CYTH3: variants seen among roughly 807,000 people sequenced by gnomAD.
CYTH3 encodes cytohesin-3.
A neutral mutation model predicts 55.1 loss-of-function variants in CYTH3; 23 were observed. The observed-to-expected ratio is 0.42, with a 90% CI of 0.30 to 0.59. The LOEUF (loss-of-function observed/expected upper bound fraction) is 0.59. CYTH3 is among the 20% of genes least tolerant of loss of function. CYTH3 has a pLI of 0.20. For synonymous variants in CYTH3, 249 were observed against 194.9 expected, an observed-to-expected ratio of 1.28 and a Z score of -2.31; for missense variants, 413 against 524.8, an observed-to-expected ratio of 0.79 and a Z score of 2.08.
intron 1 of CYTH3, among the ~76,000 whole-genome samples, chr7:6,210,707 A>C (rs1784302273): frequency 6.6e-6 from 1 of 152,054 alleles, no homozygotes; most frequent in Non-Finnish European, 1.5e-5. Context: ...CATTTCATTA[A>C]CTCTGATGGA....
In CYTH3 at chr7:6,170,225, G is replaced by A. The variant is rs987496195; in HGVS notation, c.823+310C>T. On this transcript the variant is annotated intron_variant, in intron 9 of 12. Transcript: ENST00000350796. This position sits in a 1 kb window ranked among gnomAD's most constrained non-coding sequence, Gnocchi z 7.8. ...CCGAGAGAGGCACACAGGCTCTGTGGAGATAATGCGCTTGCTTCTCGTGCA... is the reference window on the plus strand; with the variant it reads ...CCGAGAGAGGCACACAGGCTCTGTGAAGATAATGCGCTTGCTTCTCGTGCA... The A allele has an allele frequency of 2.6e-6, 1 of 378,344 alleles. No individual in the cohort carries two copies. The highest frequency in any genetic ancestry group is 2.1e-5 in the African/African-American group (1 of 48,486). 23.4% of individuals were successfully genotyped at this position (378,344 alleles called of 1,614,324 possible).
chr7:6,222,207 A>G (rs140521010), intron 1 of CYTH3, among the ~76,000 whole-genome samples: 18 of 152,346 alleles, frequency 1.2e-4, no homozygotes, highest in Non-Finnish European at 2.4e-4. Context: ...ATGAAAAAGC[A>G]GCCAGACTTC....
intron 1 of CYTH3, among the ~76,000 whole-genome samples, chr7:6,240,041 C>T (rs901637205): frequency 2.0e-5 from 3 of 152,136 alleles, no homozygotes; most frequent in African/African-American, 7.2e-5. Flanking sequence ...TGCAGTGGCT[C>T]ACGCCTATAA....
intron 5 of CYTH3, among the ~76,000 whole-genome samples, chr7:6,174,053 T>C (rs1783269961): frequency 6.6e-6 from 1 of 152,018 alleles, no homozygotes; most frequent in South Asian, 2.1e-4. Flanking sequence ...CTGGGTTCCA[T>C]GTTAAAGTTT....
intron 1 of CYTH3, among the ~76,000 whole-genome samples, chr7:6,232,989 C>T (rs1779426036): frequency 6.6e-6 from 1 of 152,180 alleles, no homozygotes. Context: ...AACCACTCTA[C>T]CACTTCTACT....
At chr7:6,251,328 C>CT (rs377700661) in intron 1 of CYTH3, among the ~76,000 whole-genome samples, 10,623 of 141,776 alleles carry the variant, frequency 0.075, 1,166 homozygotes, top group African/African-American at 0.25. Context: ...TCAGACTATT[C>CT]TTTTTTTTTT....
rs1368185914 is a variant in CYTH3, at chr7:6,162,287, G to A, written c.*2657C>T. 6.6e-6 allele frequency: 1 copy of A among 152,264 alleles called. No homozygotes were observed. The highest frequency in any genetic ancestry group is 1.5e-5 in the Non-Finnish European group (1 of 68,056). The allele number at this position is 152,264 out of a possible 1,614,324, so 9.4% of individuals were successfully genotyped here. ...ATGAACCAGGGCGGCCAGCAAGACA[G>A]GCTGGAAGGGCTGTGGCAGTCGCCG... is the stretch of plus-strand genomic sequence containing the variant. On this transcript the variant is annotated 3_prime_UTR_variant, in exon 13 of 13. Coordinates refer to ENST00000350796, the MANE Select transcript of CYTH3 (RefSeq NM_004227.4).
At chr7:6,196,425 G>A (rs761068287) in intron 1 of CYTH3, among the ~76,000 whole-genome samples, 2 of 150,628 alleles carry the variant, frequency 1.3e-5, no homozygotes, top group African/African-American at 4.9e-5. Flanking sequence ...TTACTCTTAC[G>A]CATCTGAGGG....
At chr7:6,225,370 T>C (rs80238236) in intron 1 of CYTH3, among the ~76,000 whole-genome samples, 1 of 151,874 alleles carries the variant, frequency 6.6e-6, no homozygotes, top group Non-Finnish European at 1.5e-5. Context: ...TTTTTTTTTT[T>C]GAGACAGAGT....
At chr7:6,234,466 A>G (rs1779467342) in intron 1 of CYTH3, among the ~76,000 whole-genome samples, 1 of 152,222 alleles carries the variant, frequency 6.6e-6, no homozygotes, top group Admixed American at 6.5e-5. Context: ...AACACGATTT[A>G]CTGATGTCCC....
At chr7:6,218,260 TAAG>T (rs927736015) in intron 1 of CYTH3, among the ~76,000 whole-genome samples, 1 of 152,066 alleles carries the variant, frequency 6.6e-6, no homozygotes, top group Admixed American at 6.5e-5. Flanking sequence ...AATGTCCATA[TAAG>T]AAGAAAGCAC....
chr7:6,190,557 T>C, intron 1 of CYTH3, 26 bp from the exon 2 acceptor site: 2 of 1,487,510 alleles, frequency 1.3e-6, no homozygotes, highest in Non-Finnish European at 1.8e-6. Context: ...AATAATTAAC[T>C]ACTTTGGAGA....
chr7:6,203,352 G>A (rs1323646603), intron 1 of CYTH3, among the ~76,000 whole-genome samples: 1 of 152,068 alleles, frequency 6.6e-6, no homozygotes, highest in Non-Finnish European at 1.5e-5. Flanking sequence ...CCATAGCTGT[G>A]AATCTGACTA....
intron 4 of CYTH3, among the ~76,000 whole-genome samples, chr7:6,186,237 C>G (rs936678292): frequency 8.1e-6 from 1 of 124,216 alleles, no homozygotes; most frequent in African/African-American, 3.3e-5. Flanking sequence ...GAGCAAGACT[C>G]TATCTCAAAA....
chr7:6,256,870 C>T (rs1021852482), intron 1 of CYTH3, among the ~76,000 whole-genome samples: 1 of 152,132 alleles, frequency 6.6e-6, no homozygotes, highest in East Asian at 1.9e-4. Context: ...GTGAAGCTGG[C>T]GGGACAACGT....
At chr7:6,187,418 T>C (rs958795321) in intron 3 of CYTH3, among the ~76,000 whole-genome samples, 1 of 152,218 alleles carries the variant, frequency 6.6e-6, no homozygotes, top group Non-Finnish European at 1.5e-5. Context: ...GAAGTGCCTG[T>C]GCTTATGCCT....
At chr7:6,173,303 T>C (rs1052879130) in intron 6 of CYTH3, among the ~76,000 whole-genome samples, 7 of 152,062 alleles carry the variant, frequency 4.6e-5, no homozygotes, top group Non-Finnish European at 8.8e-5. Context: ...TTGGGTCAAG[T>C]GTGGAAGGAA....
At position 6,163,058 on chromosome 7, in the gene CYTH3, G is replaced by C. The variant is rs1782884510; in HGVS notation, c.*1886C>G. ...CAAGAACGCTGACTTGCCTTTCTCA[G>C]AACTAAAACTTCCGATTTGAGGTAT... On this transcript the variant is annotated 3_prime_UTR_variant, in exon 13 of 13. Coordinates refer to ENST00000350796, the MANE Select transcript of CYTH3 (RefSeq NM_004227.4). 6.5e-6 allele frequency: 1 copy of C among 152,686 alleles called. No individual in the cohort carries two copies. The highest frequency in any genetic ancestry group is 6.5e-5 in the Admixed American group (1 of 15,286). The allele number at this position is 152,686 out of a possible 1,614,324, so 9.5% of individuals were successfully genotyped here.
At chr7:6,248,466 G>A (rs893552728) in intron 1 of CYTH3, among the ~76,000 whole-genome samples, 3 of 152,114 alleles carry the variant, frequency 2.0e-5, no homozygotes, top group Admixed American at 6.6e-5. Flanking sequence ...TCTAGTTTCT[G>A]CATCTAACTC....
Sources: allele counts gnomAD v4.1 joint callset (sites outside exome capture counted in the v4.1 genomes callset), GRCh38; gene constraint gnomAD v4.1.1; non-coding constraint Gnocchi (gnomAD v3.1); transcripts MANE v1.5; gene names NCBI Gene and HGNC (gene_info 2026-07-23, HGNC 2026-07-21).